Variants in NR2F1-AS1 observed in about 807,000 individuals in gnomAD.
NR2F1-AS1 encodes the protein NR2F1 regulatory antisense RNA 1.
intron 4 of NR2F1-AS1, among the ~76,000 whole-genome samples, chr5:93,522,361 C>A (rs1332616405): frequency 6.6e-6 from 1 of 152,014 alleles, no homozygotes; most frequent in African/African-American, 2.4e-5. Context: ...CTAAAAGTTA[C>A]TTTAAAAAAA....
At chr5:93,534,038 TGCCACTGAACTCCAGCCTGGGGAAC>T (rs1751788168) in intron 4 of NR2F1-AS1, among the ~76,000 whole-genome samples, 1 of 152,152 alleles carries the variant, frequency 6.6e-6, no homozygotes. Flanking sequence ...GCCGACATTG[TGCCACTGAACTCCAGCCTGGGGAAC>T]GAGCGAGTGT....
At chr5:93,573,826 G>A (rs946185970) in intron 1 of NR2F1-AS1, among the ~76,000 whole-genome samples, 3 of 152,150 alleles carry the variant, frequency 2.0e-5, no homozygotes, top group Admixed American at 2.0e-4. Context: ...GCCAACCTGG[G>A]CAGGAGAGAA....
intron 4 of NR2F1-AS1, among the ~76,000 whole-genome samples, chr5:93,466,202 T>C (rs1337129359): frequency 6.6e-6 from 1 of 152,110 alleles, no homozygotes; most frequent in East Asian, 1.9e-4. Flanking sequence ...CCACCCATTC[T>C]TTTTTCTCAT....
At chr5:93,572,399 C>T (rs1752791012) in intron 1 of NR2F1-AS1, among the ~76,000 whole-genome samples, 2 of 152,218 alleles carry the variant, frequency 1.3e-5, no homozygotes, top group Non-Finnish European at 2.9e-5. Flanking sequence ...AGGGGAAGGG[C>T]TCATAGAGGG....
At chr5:93,414,564 G>A (rs747934089) in intron 4 of NR2F1-AS1, among the ~76,000 whole-genome samples, 1 of 152,134 alleles carries the variant, frequency 6.6e-6, no homozygotes. Flanking sequence ...AATGTGTCAG[G>A]GCTGAGTGTT....
chr5:93,495,212 T>C (rs2149882492), intron 4 of NR2F1-AS1, among the ~76,000 whole-genome samples: 1 of 152,316 alleles, frequency 6.6e-6, no homozygotes, highest in Non-Finnish European at 1.5e-5. Flanking sequence ...TTTACATACA[T>C]GTGGCTGTTC....
At chr5:93,532,098 A>G (rs1295893079) in intron 4 of NR2F1-AS1, among the ~76,000 whole-genome samples, 2 of 152,142 alleles carry the variant, frequency 1.3e-5, no homozygotes, top group African/African-American at 4.8e-5. Context: ...CTGTTTAAAG[A>G]CTACCTCTGG....
Position 93,417,249 on chromosome 5 carries a change from C to T in NR2F1-AS1, n.639-21707G>A, listed in dbSNP as rs72786606. 1.4e-3 allele frequency among the ~76,000 whole-genome samples: 206 copies of T among 152,294 alleles called. 2 individuals are homozygous for T. Among genetic ancestry groups the T allele is most frequent in the Non-Finnish European group, 1.7e-3 (113 of 68,012 alleles). ...AGGTAAACTTTAACCCAGGCCTTGA[C>T]CTCATTTTCATAAATTCCAAATTTA... On this transcript the variant is annotated intron_variant and non_coding_transcript_variant, in intron 4 of 5. Coordinates refer to ENST00000660523, the Ensembl canonical transcript of NR2F1-AS1.
chr5:93,529,656 G>C (rs1751693409), intron 4 of NR2F1-AS1, among the ~76,000 whole-genome samples: 1 of 151,902 alleles, frequency 6.6e-6, no homozygotes, highest in Non-Finnish European at 1.5e-5. Flanking sequence ...AGGTTTCCTT[G>C]TTCTCAATTC....
chr5:93,581,839 CT>C (rs1462927998), upstream of NR2F1-AS1, among the ~76,000 whole-genome samples: 8 of 43,188 alleles, frequency 1.9e-4, 1 homozygote, highest in Admixed American at 1.6e-3. Flanking sequence ...TCTCTCTCCT[CT>C]CTCTCTCTCT....
At chr5:93,575,623 C>G (rs553792643) in intron 1 of NR2F1-AS1, among the ~76,000 whole-genome samples, 1 of 152,166 alleles carries the variant, frequency 6.6e-6, no homozygotes, top group African/African-American at 2.4e-5. Context: ...ATCTCCTCCC[C>G]CTGAAGAGAA....
chr5:93,409,989 T>A (rs1442475785), intron 4 of NR2F1-AS1: 1 of 152,196 alleles, frequency 6.6e-6, no homozygotes, highest in Non-Finnish European at 1.5e-5. Context: ...TGGACACTCC[T>A]CAAGACAAAG....
intron 4 of NR2F1-AS1, among the ~76,000 whole-genome samples, chr5:93,537,849 C>A (rs1751870452): frequency 1.3e-5 from 2 of 152,062 alleles, no homozygotes; most frequent in African/African-American, 4.8e-5. Flanking sequence ...CATTATAAGG[C>A]ATATAAGAAA....
At chr5:93,437,278 C>T (rs998212924) in intron 4 of NR2F1-AS1, among the ~76,000 whole-genome samples, 4 of 151,886 alleles carry the variant, frequency 2.6e-5, no homozygotes, top group Non-Finnish European at 5.9e-5. Context: ...AGATACACAC[C>T]GGATTTCAAA....
chr5:93,554,560 T>C (rs890726850), intron 3 of NR2F1-AS1, among the ~76,000 whole-genome samples: 2 of 152,152 alleles, frequency 1.3e-5, no homozygotes, highest in Non-Finnish European at 1.5e-5. Flanking sequence ...ACATGCTTAT[T>C]TATTATTTAG....
At chr5:93,453,013 T>G (rs1749870963) in intron 4 of NR2F1-AS1, among the ~76,000 whole-genome samples, 3 of 150,872 alleles carry the variant, frequency 2.0e-5, no homozygotes, top group South Asian at 4.2e-4. Flanking sequence ...GAAAAAGAAA[T>G]AAATAGAATG....
chr5:93,467,748 A>T (rs1399853834), intron 4 of NR2F1-AS1, among the ~76,000 whole-genome samples: 1 of 152,184 alleles, frequency 6.6e-6, no homozygotes, highest in Non-Finnish European at 1.5e-5. Flanking sequence ...ACATAGGTAT[A>T]CATGTGCCAT....
At chr5:93,502,553 G>A (rs1430296330) in intron 4 of NR2F1-AS1, among the ~76,000 whole-genome samples, 1 of 152,162 alleles carries the variant, frequency 6.6e-6, no homozygotes, top group African/African-American at 2.4e-5. Flanking sequence ...TGTAAGTAGT[G>A]AAGTTAGAAT....
chr5:93,442,454 G>A (rs1749593822), intron 4 of NR2F1-AS1, among the ~76,000 whole-genome samples: 1 of 152,224 alleles, frequency 6.6e-6, no homozygotes, highest in East Asian at 1.9e-4. Flanking sequence ...TAGCACAGCA[G>A]TCTGAGATCA....
Sources: allele counts gnomAD v4.1 joint callset (sites outside exome capture counted in the v4.1 genomes callset), GRCh38; gene constraint gnomAD v4.1.1; transcripts MANE v1.5; gene names NCBI Gene and HGNC (gene_info 2026-07-23, HGNC 2026-07-21).